Variants in STX18 observed in about 807,000 individuals in gnomAD.
STX18 encodes the protein syntaxin 18, also known as syntaxin-18.
In STX18, 40 loss-of-function variants were observed where a neutral mutation model predicts 50.1. The ratio of observed to expected loss-of-function variants is 0.80; its 90% confidence interval spans 0.62 to 1.04. STX18 has a LOEUF of 1.04. STX18 is among the 50% of genes least tolerant of loss of function. STX18 has a pLI of 0.00. For missense variants in STX18, 410 were observed against 415.8 expected, an observed-to-expected ratio of 0.99 and a Z score of 0.12; for synonymous variants, 158 against 151.8, an observed-to-expected ratio of 1.04 and a Z score of -0.30.
At position 4,457,196 on chromosome 4, in the gene STX18, T is replaced by C; in HGVS notation, c.492A>G (p.Lys164=). ...CCAATGAAAGCAATACTTACAATCT[T>C]TTCTTATCCACCACTCTTTTAACTC... ...AIRVKRVVDK[K]RLSKLEPEPN... Residue 164 remains lysine (K), a synonymous_variant, in exon 5 of 11, where the codon AAA becomes AAG. Transcript: ENST00000306200. 6.2e-7 allele frequency: 1 copy of C among 1,613,736 alleles called. No homozygotes were observed. The highest frequency in any genetic ancestry group is 8.5e-7 in the Non-Finnish European group (1 of 1,179,662).
chr4:4,468,491 C>T (rs542476157), intron 2 of STX18, among the ~76,000 whole-genome samples: 3 of 152,136 alleles, frequency 2.0e-5, no homozygotes, highest in Admixed American at 6.5e-5. Flanking sequence ...TACGCAGCAT[C>T]GCTCCTGCCT....
intron 1 of STX18, among the ~76,000 whole-genome samples, chr4:4,511,409 G>C (rs1291948028): frequency 6.6e-6 from 1 of 152,166 alleles, no homozygotes; most frequent in African/African-American, 2.4e-5. Flanking sequence ...CCTAAAAATA[G>C]TGATTTCATC....
chr4:4,467,426 TCTCA>T (rs918444083), intron 2 of STX18, among the ~76,000 whole-genome samples: 2 of 152,186 alleles, frequency 1.3e-5, no homozygotes, highest in Non-Finnish European at 2.9e-5. Context: ...GTCATAACTT[TCTCA>T]CTGTTACAAC....
intron 7 of STX18, chr4:4,425,745 G>A (rs1725214268): frequency 6.4e-6 from 1 of 155,140 alleles, no homozygotes; most frequent in African/African-American, 2.4e-5. Flanking sequence ...GCTCAACAGG[G>A]ACAGAGGCCC....
chr4:4,487,648 G>A (rs1438776835), intron 1 of STX18, among the ~76,000 whole-genome samples: 1 of 152,050 alleles, frequency 6.6e-6, no homozygotes, highest in Non-Finnish European at 1.5e-5. Context: ...GCCTTCTGTC[G>A]CCTCCCCCCT....
At chr4:4,436,221 A>G (rs1409231933) in intron 6 of STX18, among the ~76,000 whole-genome samples, 3 of 152,270 alleles carry the variant, frequency 2.0e-5, no homozygotes. Flanking sequence ...CTTTACAAAA[A>G]AAACTGCATG....
intron 1 of STX18, among the ~76,000 whole-genome samples, chr4:4,531,564 G>A (rs889516823): frequency 5.3e-5 from 8 of 152,134 alleles, no homozygotes; most frequent in Admixed American, 4.6e-4. Context: ...GCACCTCCCC[G>A]TTTCACACTG....
Position 4,501,383 on chromosome 4 carries a change from TCTCA to T in STX18, c.169-29681_169-29678del, listed in dbSNP as rs1400396631. 6.6e-5 allele frequency among the ~76,000 whole-genome samples: 10 copies of T among 152,164 alleles called. No individual in the cohort carries two copies. In the South Asian group the frequency reaches 1.9e-3, roughly 28 times the overall value. On this transcript the variant is annotated intron_variant, in intron 1 of 10. Transcript: ENST00000306200. ...TCCAGGACCATTGCTGCCACCTCTCTCTCACTGTCGGTCAGAATGACTGCATTTT... is the reference window on the plus strand; with the variant it reads ...TCCAGGACCATTGCTGCCACCTCTCTCTGTCGGTCAGAATGACTGCATTTT...
At chr4:4,524,941 T>G (rs1322904032) in intron 1 of STX18, among the ~76,000 whole-genome samples, 1 of 151,960 alleles carries the variant, frequency 6.6e-6, no homozygotes, top group Non-Finnish European at 1.5e-5. Context: ...CAAATTAAAT[T>G]TGATAGGATA....
chr4:4,503,831 A>C (rs1000333830), intron 1 of STX18, among the ~76,000 whole-genome samples: 4 of 152,222 alleles, frequency 2.6e-5, no homozygotes, highest in Admixed American at 2.6e-4. Flanking sequence ...TATGGTATTC[A>C]GATTCCATGA....
At chr4:4,473,536 G>A (rs879432954) in intron 1 of STX18, among the ~76,000 whole-genome samples, 9 of 151,922 alleles carry the variant, frequency 5.9e-5, no homozygotes, top group Admixed American at 1.3e-4. Flanking sequence ...CTCGCGATCC[G>A]CCCGCCTCAG....
chr4:4,505,221 G>A (rs1372492151), intron 1 of STX18, among the ~76,000 whole-genome samples: 1 of 152,082 alleles, frequency 6.6e-6, no homozygotes, highest in East Asian at 1.9e-4. Flanking sequence ...TGAAAATATG[G>A]GAAGTCAAAA....
At chr4:4,459,751 C>T (rs986839894) in intron 2 of STX18, among the ~76,000 whole-genome samples, 3 of 152,066 alleles carry the variant, frequency 2.0e-5, no homozygotes, top group African/African-American at 4.8e-5. Context: ...GGAGAAGGAG[C>T]GTGGAGTCAG....
intron 2 of STX18, among the ~76,000 whole-genome samples, chr4:4,466,486 G>A (rs568835527): frequency 3.3e-5 from 5 of 152,292 alleles, no homozygotes; most frequent in Middle Eastern, 3.4e-3. Context: ...TTCCATCTAC[G>A]ATGATAAGGA....
At chr4:4,438,223 C>T (rs181466542) in intron 6 of STX18, among the ~76,000 whole-genome samples, 171 bp downstream of exon 6, 13 of 152,374 alleles carry the variant, frequency 8.5e-5, no homozygotes, top group Admixed American at 3.9e-4. Flanking sequence ...GTGGCACTCA[C>T]GAAGATCAAC....
chr4:4,503,436 T>A (rs2108881626), intron 1 of STX18, among the ~76,000 whole-genome samples: 1 of 152,270 alleles, frequency 6.6e-6, no homozygotes, highest in Non-Finnish European at 1.5e-5. Context: ...ATTACAAAGG[T>A]AACTCAACAC....
Position 4,440,633 on chromosome 4 carries a change from T to A in STX18, c.498-2124A>T, listed in dbSNP as rs151161306. ...GCCTTTAATATGCTCAAATACATTT[T>A]GAATTTCCAAAAAGGATGGTATTTG... On this transcript the variant is annotated intron_variant, in intron 5 of 10. Transcript: ENST00000306200. Among the ~76,000 whole-genome samples, 326 of 152,368 alleles carry A rather than the reference T, an allele frequency of 2.1e-3. 6 individuals carry two copies. Among genetic ancestry groups the A allele is most frequent in the East Asian group, 0.011 (59 of 5,188 alleles).
At chr4:4,525,001 T>C (rs912787514) in intron 1 of STX18, among the ~76,000 whole-genome samples, 7 of 151,920 alleles carry the variant, frequency 4.6e-5, no homozygotes, top group Non-Finnish European at 1.0e-4. Flanking sequence ...CAACACAAAA[T>C]AGAAGAATGA....
intron 1 of STX18, among the ~76,000 whole-genome samples, chr4:4,489,184 G>T (rs1486542890): frequency 6.6e-6 from 1 of 151,960 alleles, no homozygotes; most frequent in African/African-American, 2.4e-5. Flanking sequence ...AAGTGAATGG[G>T]AATAAAATGC....
Sources: allele counts gnomAD v4.1 joint callset (sites outside exome capture counted in the v4.1 genomes callset), GRCh38; gene constraint gnomAD v4.1.1; transcripts MANE v1.5; gene names NCBI Gene and HGNC (gene_info 2026-07-23, HGNC 2026-07-21).